PCDHGC3: variants seen among roughly 807,000 people sequenced by gnomAD.
PCDHGC3 encodes the protein protocadherin gamma-C3.
A neutral mutation model predicts 59.2 loss-of-function variants in PCDHGC3; 26 were observed. The observed-to-expected ratio is 0.44, with a 90% CI of 0.32 to 0.61. The LOEUF (loss-of-function observed/expected upper bound fraction) is 0.61, where lower values mean the gene tolerates loss of function less well. PCDHGC3 is among the 20% of genes least tolerant of loss of function. The pLI is 0.05. For missense variants in PCDHGC3, 1,080 were observed against 1,221.8 expected (o/e 0.88, Z 1.73); for synonymous variants, 487 against 519.7 (o/e 0.94, Z 0.86).
intron 2 of PCDHGC3, among the ~76,000 whole-genome samples, chr5:141,495,094 C>T (rs1470702358): frequency 6.6e-6 from 1 of 152,156 alleles, no homozygotes; most frequent in African/African-American, 2.4e-5. Flanking sequence ...CTTCCCTCCT[C>T]GCCACGACCG....
chr5:141,478,623 GT>G (rs1337268572), intron 1 of PCDHGC3, 77 bp downstream of exon 1: 14 of 1,554,358 alleles, frequency 9.0e-6, no homozygotes, highest in African/African-American at 1.4e-5. Context: ...GAATGGAGCT[GT>G]TTTTTTAGTG....
rs752145084 is a variant in PCDHGC3 at position 141,489,550 on chromosome 5, C to T, written c.2431-5257C>T. On this transcript the variant is annotated intron_variant, in intron 1 of 3. Coordinates refer to ENST00000308177, the MANE Select transcript of PCDHGC3 (RefSeq NM_002588.4). This position sits in a 1 kb window ranked among gnomAD's most constrained non-coding sequence, Gnocchi z 4.5. ...ATGTGGAGCCAGCACCAGCTGCCTGCTGCCAGTGCAGGTGGTGACTGAACA... is the reference window on the plus strand; with the variant it reads ...ATGTGGAGCCAGCACCAGCTGCCTGTTGCCAGTGCAGGTGGTGACTGAACA... The T allele has an allele frequency of 1.2e-6, 2 of 1,614,132 alleles. No homozygotes were observed. The highest frequency in any genetic ancestry group is 1.7e-5 in the Admixed American group (1 of 60,030).
chr5:141,494,076 G>A (rs538740530), intron 1 of PCDHGC3, among the ~76,000 whole-genome samples: 24 of 152,234 alleles, frequency 1.6e-4, no homozygotes, highest in African/African-American at 4.3e-4. Flanking sequence ...ATCCCTCCCC[G>A]CTGCATCCCT....
In PCDHGC3 at chr5:141,478,732, T is replaced by C. The variant is rs772167680; in HGVS notation, c.2430+186T>C. 7.2e-6 allele frequency: 11 copies of C among 1,537,428 alleles called. No homozygotes were observed. In the South Asian group the frequency reaches 1.2e-4, roughly 17 times the overall value. On this transcript the variant is annotated intron_variant, in intron 1 of 3. Transcript: ENST00000308177. ...GAGATGGTGGCCTGCCAGAGTGTGG[T>C]TTGTGGTCCCATTTCAGGGGGAAGA...
chr5:141,505,494 A>G lies in PCDHGC3; in HGVS notation c.2578+13A>G. ...GCGTCCGCCAGTGGTAAGTGGTGTC[A>G]GTGTGTGTATGGAAGAGTGGGAGAC... is the stretch of plus-strand genomic sequence containing the variant. On this transcript the variant is annotated intron_variant, in intron 3 of 3. Transcript: ENST00000308177. The G allele has an allele frequency of 6.8e-6, 11 of 1,614,198 alleles. No homozygotes were observed. Among genetic ancestry groups the G allele is most frequent in the Non-Finnish European group, 9.3e-6 (11 of 1,180,006 alleles).
In PCDHGC3 at chr5:141,512,385, A is replaced by G. The variant is rs78180647; in HGVS notation, c.*1212A>G. 6,750 of 152,704 alleles carry G rather than the reference A, an allele frequency of 0.044. 413 individuals carry two copies. Among genetic ancestry groups the G allele is most frequent in the Admixed American group, 0.18 (2,745 of 15,296 alleles). The allele number at this position is 152,704 out of a possible 1,614,324, so 9.5% of individuals were successfully genotyped here. ...TAGGGCAGGGACCAAATGAACAGAAAGTCTCAGCCCAGGATGGGGCTTCTT... is the reference window on the plus strand; with the variant it reads ...TAGGGCAGGGACCAAATGAACAGAAGGTCTCAGCCCAGGATGGGGCTTCTT... On this transcript the variant is annotated 3_prime_UTR_variant, in exon 4 of 4. Coordinates refer to ENST00000308177, the MANE Select transcript of PCDHGC3 (RefSeq NM_002588.4).
rs1225025591 is a variant in PCDHGC3 at position 141,493,316 on chromosome 5, T to G, written c.2431-1491T>G. Among the ~76,000 whole-genome samples, 2 of 152,198 alleles carry G rather than the reference T, an allele frequency of 1.3e-5. No homozygotes were observed. The highest frequency in any genetic ancestry group is 2.1e-4 in the South Asian group (1 of 4,826). Reference sequence around the variant, plus strand: ...AGTTCACAGAGCAAGTAAGAGAGATTCTAACCCCTGTCTAACTCCAGAATG... The same window carrying G: ...AGTTCACAGAGCAAGTAAGAGAGATGCTAACCCCTGTCTAACTCCAGAATG... On this transcript the variant is annotated intron_variant, in intron 1 of 3. Coordinates refer to ENST00000308177, the MANE Select transcript of PCDHGC3 (RefSeq NM_002588.4). This position sits in a 1 kb window ranked among gnomAD's most constrained non-coding sequence, Gnocchi z 4.3.
rs554661873 is a variant in PCDHGC3, at chr5:141,487,723, T to C, written c.2431-7084T>C. ...GCCTCTCAGTAAGTGCCCATAGTGATGTCACCATTTTTGTAAGAGGTAACT... is the reference window on the plus strand; with the variant it reads ...GCCTCTCAGTAAGTGCCCATAGTGACGTCACCATTTTTGTAAGAGGTAACT... On this transcript the variant is annotated intron_variant, in intron 1 of 3. Transcript: ENST00000308177. The surrounding 1 kb of genome is among the most constrained non-coding windows in gnomAD (Gnocchi z 5.0). The C allele has an allele frequency of 2.6e-5, 41 of 1,574,932 alleles. No homozygotes were observed. Among genetic ancestry groups the C allele is most frequent in the Non-Finnish European group, 5.2e-6 (6 of 1,158,382 alleles).
intron 1 of PCDHGC3, among the ~76,000 whole-genome samples, chr5:141,481,065 A>AAAAG (rs1476331686): frequency 6.6e-6 from 1 of 152,164 alleles, no homozygotes; most frequent in African/African-American, 2.4e-5. Context: ...CTCAAAAACA[A>AAAAG]AAAGAAAGAA....
intron 3 of PCDHGC3, among the ~76,000 whole-genome samples, chr5:141,509,022 C>G (rs2099873807): frequency 6.6e-6 from 1 of 152,206 alleles, no homozygotes; most frequent in East Asian, 1.9e-4. Context: ...CAGCTGCTCC[C>G]TCCCACTCAA....
intron 2 of PCDHGC3, among the ~76,000 whole-genome samples, chr5:141,501,690 A>G (rs760011264): frequency 5.3e-5 from 8 of 152,158 alleles, no homozygotes; most frequent in Non-Finnish European, 1.0e-4. Context: ...ACTTATCTGC[A>G]GGGTGATTCC....
chr5:141,502,524 C>T (rs959562458), intron 2 of PCDHGC3, among the ~76,000 whole-genome samples: 3 of 151,910 alleles, frequency 2.0e-5, no homozygotes, highest in East Asian at 1.9e-4. Flanking sequence ...TCAGTGATGC[C>T]GAGTTTGTTC....
rs367905789 is a variant in PCDHGC3 at position 141,487,335 on chromosome 5, G to A, written c.2431-7472G>A. 11 of 1,614,064 alleles carry A rather than the reference G, an allele frequency of 6.8e-6. No individual in the cohort carries two copies. The highest frequency in any genetic ancestry group is 8.5e-6 in the Non-Finnish European group (10 of 1,180,044). Reference sequence around the variant, plus strand: ...TCTAAGTGTCTTCGTGGGGCAGCCTGTGGAGTCACATGCTTTCCTGCTGGC... The same window carrying A: ...TCTAAGTGTCTTCGTGGGGCAGCCTATGGAGTCACATGCTTTCCTGCTGGC... On this transcript the variant is annotated intron_variant, in intron 1 of 3. Transcript: ENST00000308177. This position sits in a 1 kb window ranked among gnomAD's most constrained non-coding sequence, Gnocchi z 5.0.
At chr5:141,507,380 C>G (rs984406173) in intron 3 of PCDHGC3, 1 of 151,954 alleles carries the variant, frequency 6.6e-6, no homozygotes, top group African/African-American at 2.4e-5. Flanking sequence ...CTTTTATTTA[C>G]TAAATCTGGC....
rs758579068 is a variant in PCDHGC3, at chr5:141,485,232, T to C, written c.2430+6686T>C. 6.2e-7 allele frequency: 1 copy of C among 1,614,136 alleles called. No individual in the cohort carries two copies. The highest frequency in any genetic ancestry group is 8.5e-7 in the Non-Finnish European group (1 of 1,180,016). Reference sequence around the variant, plus strand: ...TGGCGGTGGGCTACCCTTTTGTTCCTCTTTTACCACCTGGGTTACGTTTGT... The same window carrying C: ...TGGCGGTGGGCTACCCTTTTGTTCCCCTTTTACCACCTGGGTTACGTTTGT... On this transcript the variant is annotated intron_variant, in intron 1 of 3. Coordinates refer to ENST00000308177, the MANE Select transcript of PCDHGC3 (RefSeq NM_002588.4). This position sits in a 1 kb window ranked among gnomAD's most constrained non-coding sequence, Gnocchi z 5.7.
Position 141,491,686 on chromosome 5 carries a change from C to A in PCDHGC3, c.2431-3121C>A. The A allele has an allele frequency of 6.2e-7, 1 of 1,612,970 alleles. No homozygotes were observed. The highest frequency in any genetic ancestry group is 8.5e-7 in the Non-Finnish European group (1 of 1,179,558). Reference sequence around the variant, plus strand: ...CATCCGGTCCCGCTCTAATACGCTGCGGGAGCGGAGCCAGGTGAGGGGCTC... The same window carrying A: ...CATCCGGTCCCGCTCTAATACGCTGAGGGAGCGGAGCCAGGTGAGGGGCTC... On this transcript the variant is annotated intron_variant, in intron 1 of 3. Coordinates refer to ENST00000308177, the MANE Select transcript of PCDHGC3 (RefSeq NM_002588.4). The surrounding 1 kb of genome is among the most constrained non-coding windows in gnomAD (Gnocchi z 6.9).
Position 141,487,322 on chromosome 5 carries a change from C to T in PCDHGC3, c.2431-7485C>T, listed in dbSNP as rs760334964. 7.4e-6 allele frequency: 12 copies of T among 1,614,134 alleles called. No homozygotes were observed. Among genetic ancestry groups the T allele is most frequent in the South Asian group, 3.3e-5 (3 of 91,082 alleles). ...CGTGGCACTACTCTCTAAGTGTCTT[C>T]GTGGGGCAGCCTGTGGAGTCACATG... On this transcript the variant is annotated intron_variant, in intron 1 of 3. Coordinates refer to ENST00000308177, the MANE Select transcript of PCDHGC3 (RefSeq NM_002588.4). The surrounding 1 kb of genome is among the most constrained non-coding windows in gnomAD (Gnocchi z 5.0).
chr5:141,494,556 T>C (rs909822734), intron 1 of PCDHGC3, among the ~76,000 whole-genome samples: 18 of 152,120 alleles, frequency 1.2e-4, no homozygotes, highest in African/African-American at 4.3e-4. Context: ...GCCATTTCTT[T>C]AGGAAAGGAG....
chr5:141,477,898 AG>A lies in PCDHGC3; in HGVS notation c.1784del (p.Gly595AlafsTer27). The stretch of plus-strand genomic sequence containing the variant: ...CTGGCCACCTAGTGTCACGGGTGGT[AG>A]GCTGGGACGCGGATGCAGGGCACAA... ...SAGHLVSRVV[G>X]WDADAGHNAW... On this transcript the variant is annotated frameshift_variant, in exon 1 of 4. Coordinates refer to ENST00000308177, the MANE Select transcript of PCDHGC3 (RefSeq NM_002588.4). LOFTEE classifies it high-confidence loss of function. The surrounding 1 kb of genome is among the most constrained non-coding windows in gnomAD (Gnocchi z 4.9). The A allele has an allele frequency of 6.2e-7, 1 of 1,614,158 alleles. No individual in the cohort carries two copies. Among genetic ancestry groups the A allele is most frequent in the Non-Finnish European group, 8.5e-7 (1 of 1,180,036 alleles).
Sources: gnomAD v4.1 joint callset for allele counts (sites outside exome capture counted in the v4.1 genomes callset) on GRCh38, gnomAD v4.1.1 for gene constraint, Gnocchi (gnomAD v3.1) non-coding constraint, MANE v1.5 for transcripts, NCBI Gene and HGNC (gene_info 2026-07-23, HGNC 2026-07-21) for gene names.